CDH23: variants seen among roughly 807,000 people sequenced by gnomAD.
CDH23 encodes the protein cadherin-23.
Under a neutral mutation model 317.1 loss-of-function variants are expected in CDH23, and 189 were observed. The observed-to-expected ratio is 0.60, with a 90% confidence interval of 0.53 to 0.67. The LOEUF is 0.67. CDH23 is among the 30% of genes least tolerant of loss of function. CDH23 has a pLI of 0.00. For missense variants in CDH23, 4,401 were observed against 4,592.4 expected (o/e 0.96, Z 1.20); for synonymous variants, 1,839 against 1,876.8 (o/e 0.98, Z 0.52).
intron 3 of CDH23, among the ~76,000 whole-genome samples, chr10:71,504,394 T>C (rs534364278): frequency 6.6e-6 from 1 of 152,346 alleles, no homozygotes; most frequent in East Asian, 1.9e-4. Flanking sequence ...GAATTTCCTT[T>C]CTTTTTAAGG....
At chr10:71,814,837 C>T (rs1180786402) in intron 69 of CDH23, 115 bp from the exon 70 acceptor site, 11 of 1,220,620 alleles carry the variant, frequency 9.0e-6, no homozygotes, top group African/African-American at 3.0e-5. Context: ...GTCTGACAGG[C>T]CTGCTGCGGT....
At chr10:71,785,776 C>T (rs1423443796) in intron 44 of CDH23, 38 bp downstream of exon 44, 1 of 1,273,702 alleles carries the variant, frequency 7.9e-7, no homozygotes, top group African/African-American at 1.5e-5. Flanking sequence ...GGGCTGGGAG[C>T]TAGAGGCGCA....
At position 71,731,618 on chromosome 10, in the gene CDH23, C is replaced by T. The variant is rs533007656; in HGVS notation, c.3716-369C>T. On this transcript the variant is annotated intron_variant, in intron 31 of 69. Coordinates refer to ENST00000224721, the MANE Select transcript of CDH23 (RefSeq NM_022124.6). Reference sequence around the variant, plus strand: ...CAAGGCTTGGCCATCTGTGAGGATGCGTTCTAGATCAAAGCCTCCACTACA... The same window carrying T: ...CAAGGCTTGGCCATCTGTGAGGATGTGTTCTAGATCAAAGCCTCCACTACA... Among the ~76,000 whole-genome samples, 8 of 152,312 alleles carry T rather than the reference C, an allele frequency of 5.3e-5. No homozygotes were observed. In the South Asian group the frequency reaches 1.4e-3, roughly 28 times the overall value.
intron 18 of CDH23, among the ~76,000 whole-genome samples, chr10:71,686,486 A>T (rs1438205988): frequency 6.6e-6 from 1 of 152,048 alleles, no homozygotes. Flanking sequence ...GCAGGCTGAG[A>T]TTCTCTGATG....
intron 1 of CDH23, among the ~76,000 whole-genome samples, chr10:71,423,998 C>G (rs1848932923): frequency 6.6e-6 from 1 of 152,218 alleles, no homozygotes; most frequent in African/African-American, 2.4e-5. Context: ...TGACTGTTGG[C>G]TTGAGAATTG....
At chr10:71,713,029 C>T (rs766703960) in intron 28 of CDH23, 7 of 732,936 alleles carry the variant, frequency 9.6e-6, no homozygotes, top group Non-Finnish European at 1.8e-5. Flanking sequence ...GAGGATAGGG[C>T]TCTGGCTCCC....
At chr10:71,400,889 G>A (rs1374154210) in intron 1 of CDH23, among the ~76,000 whole-genome samples, 2 of 152,210 alleles carry the variant, frequency 1.3e-5, no homozygotes, top group Non-Finnish European at 2.9e-5. Flanking sequence ...GTCTTAATGT[G>A]TAAAGATGAT....
At chr10:71,597,228 G>A (rs1409138350) in intron 9 of CDH23, among the ~76,000 whole-genome samples, 1 of 152,072 alleles carries the variant, frequency 6.6e-6, no homozygotes, top group Non-Finnish European at 1.5e-5. Flanking sequence ...AGCAGAGCAG[G>A]CATCGCCACC....
intron 3 of CDH23, among the ~76,000 whole-genome samples, chr10:71,461,730 C>T (rs920451898): frequency 3.3e-5 from 5 of 152,228 alleles, no homozygotes; most frequent in Non-Finnish European, 7.3e-5. Context: ...ATCGCAACCC[C>T]GAAGGCCACC....
At chr10:71,429,571 T>C (rs1849269306) in intron 1 of CDH23, among the ~76,000 whole-genome samples, 1 of 152,094 alleles carries the variant, frequency 6.6e-6, no homozygotes, top group Non-Finnish European at 1.5e-5. Flanking sequence ...CTGGCAGGTT[T>C]GAGGCTGAGA....
chr10:71,570,657 G>GT, intron 7 of CDH23, 133 bp from the exon 8 acceptor site: 1 of 942,922 alleles, frequency 1.1e-6, no homozygotes, highest in Non-Finnish European at 1.6e-6. Context: ...CAAGAGCATG[G>GT]GTGTGTGTGT....
intron 31 of CDH23, among the ~76,000 whole-genome samples, 177 bp downstream of exon 31, chr10:71,730,781 C>T (rs1467878687): frequency 6.6e-6 from 1 of 152,264 alleles, no homozygotes; most frequent in African/African-American, 2.4e-5. Flanking sequence ...TGGCCCCAGC[C>T]TGAGAGGGTT....
At chr10:71,460,671 C>T (rs541722197) in intron 3 of CDH23, among the ~76,000 whole-genome samples, 2 of 152,206 alleles carry the variant, frequency 1.3e-5, no homozygotes, top group Admixed American at 6.5e-5. Context: ...ACACCCTGCT[C>T]GCCCCATCCA....
chr10:71,441,028 CT>C (rs1401560915), intron 2 of CDH23, among the ~76,000 whole-genome samples: 1 of 152,146 alleles, frequency 6.6e-6, no homozygotes, highest in Non-Finnish European at 1.5e-5. Flanking sequence ...GGAATCCCCC[CT>C]GTGATGGGAA....
chr10:71,700,926 A>C (rs1865558690), intron 22 of CDH23, among the ~76,000 whole-genome samples: 1 of 152,208 alleles, frequency 6.6e-6, no homozygotes, highest in African/African-American at 2.4e-5. Context: ...GCCAAAGCAC[A>C]AAAGGCTCCA....
chr10:71,669,223 C>A (rs1459960586), intron 14 of CDH23, among the ~76,000 whole-genome samples: 2 of 151,880 alleles, frequency 1.3e-5, no homozygotes, highest in Non-Finnish European at 2.9e-5. Context: ...AAGTGCCCAC[C>A]TCTCTCCAGG....
intron 6 of CDH23, among the ~76,000 whole-genome samples, chr10:71,521,330 G>A (rs1854667053): frequency 6.6e-6 from 1 of 152,160 alleles, no homozygotes. Flanking sequence ...TCCCAAGAGA[G>A]GGAAATGGTG....
intron 1 of CDH23, among the ~76,000 whole-genome samples, chr10:71,403,330 T>TTC (rs1564557822): frequency 0.026 from 1,139 of 43,440 alleles, 162 homozygotes; most frequent in African/African-American, 0.051. Context: ...TTCCTTCCTT[T>TTC]CTTTCTTTCT....
At chr10:71,728,052 T>C (rs1363234912) in intron 30 of CDH23, among the ~76,000 whole-genome samples, 1 of 152,186 alleles carries the variant, frequency 6.6e-6, no homozygotes, top group African/African-American at 2.4e-5. Context: ...AGCCTGGCCC[T>C]GTTTTTTCCC....
Sources: gnomAD v4.1 joint callset for allele counts (sites outside exome capture counted in the v4.1 genomes callset) on GRCh38, gnomAD v4.1.1 for gene constraint, MANE v1.5 for transcripts, NCBI Gene and HGNC (gene_info 2026-07-23, HGNC 2026-07-21) for gene names.